PDLIM7: variants seen among roughly 807,000 people sequenced by gnomAD.
PDLIM7 encodes PDZ and LIM domain protein 7.
A neutral mutation model predicts 53.9 loss-of-function variants in PDLIM7; 37 were observed. That is an observed-to-expected ratio of 0.69 (90% CI 0.53 to 0.90). The LOEUF is 0.90. Ranked by LOEUF, PDLIM7 falls within the 40% of genes least tolerant of loss-of-function variation. The pLI is 0.00. For synonymous variants in PDLIM7, 300 were observed against 261.3 expected (o/e 1.15, Z -1.43); for missense variants, 617 against 638.5 (o/e 0.97, Z 0.36).
chr5:177,484,081 T>G lies in PDLIM7; in HGVS notation c.1160A>C (p.Tyr387Ser). 6.2e-7 allele frequency: 1 copy of G among 1,613,982 alleles called. No individual in the cohort carries two copies. Among genetic ancestry groups the G allele is most frequent in the Non-Finnish European group, 8.5e-7 (1 of 1,179,976 alleles). ...RAFYMEEGVPYCERDYEKMFG... is the reference protein window; with the variant it reads ...RAFYMEEGVPSCERDYEKMFG... ...TGGCCAGTGGGTACCTCGCTCGCAA[T>G]AGGGCACGCCCTCCTCCATGTAGAA... is the stretch of plus-strand genomic sequence containing the variant. The change falls in exon 11 of 13, where the codon TAT becomes TCT. Residue 387 changes from tyrosine to serine, a missense_variant. By Grantham distance (144) the Tyr-to-Ser change is moderately radical (BLOSUM62 -2). Transcript: ENST00000355841.
intron 2 of PDLIM7, among the ~76,000 whole-genome samples, chr5:177,494,225 C>T (rs1056169027): frequency 6.6e-6 from 1 of 152,226 alleles, no homozygotes; most frequent in Non-Finnish European, 1.5e-5. Flanking sequence ...AGTCACCCAG[C>T]TAGTAAGAGG....
At chr5:177,491,393 G>A (rs560294650) in intron 5 of PDLIM7, 1 of 1,552,142 alleles carries the variant, frequency 6.4e-7, no homozygotes, top group African/African-American at 1.4e-5. Flanking sequence ...GGCAGAGGGG[G>A]GCTCACTGAC....
rs114422207 is a variant in PDLIM7 at position 177,495,434 on chromosome 5, G to A, written c.96+983C>T. Among the ~76,000 whole-genome samples the A allele has an allele frequency of 9.4e-3, 1,430 of 152,274 alleles. 27 individuals carry two copies. Among genetic ancestry groups the A allele is most frequent in the African/African-American group, 0.033 (1,375 of 41,548 alleles). On this transcript the variant is annotated intron_variant, in intron 2 of 12. Coordinates refer to ENST00000355841, the MANE Select transcript of PDLIM7 (RefSeq NM_005451.5). ...CCTGGGTGGGTCTCTTGGGGCAGGC[G>A]GATATAGGGGCAGGAAGTCCCCACC...
Position 177,488,088 on chromosome 5 carries a change from A to G in PDLIM7, c.1030T>C (p.Cys344Arg). ...CTCACGCCTGTAATCTTCTTCTTGC[A>G]CTTGGCACAGCTGGGTGCATAGCGC... ...DVRYAPSCAK[C>R]KKKITGEIMH... is the part of the protein sequence containing the mutation. Residue 344 changes from cysteine to arginine, a missense_variant, in exon 10 of 13, where the codon TGC (cysteine) becomes CGC (arginine). Cys to Arg is a radical substitution (Grantham distance 180). Transcript: ENST00000355841. 1.2e-6 allele frequency: 2 copies of G among 1,603,676 alleles called. No homozygotes were observed. Among genetic ancestry groups the G allele is most frequent in the Non-Finnish European group, 1.7e-6 (2 of 1,174,736 alleles).
chr5:177,491,942 C>G lies in PDLIM7; in HGVS notation c.280-17G>C, dbSNP rs1248116837. On this transcript the variant is annotated splice_polypyrimidine_tract_variant and intron_variant, in intron 4 of 12. Transcript: ENST00000355841. ...GGCGGAGGCCTGGGCAGAGACACAG[C>G]CGGGCAGGGCGGGCGGGCAGGGTAA... 1.2e-5 allele frequency: 4 copies of G among 336,576 alleles called. No individual in the cohort carries two copies. Among genetic ancestry groups the G allele is most frequent in the Middle Eastern group, 1.1e-3 (1 of 898 alleles). 20.8% of individuals were successfully genotyped at this position (336,576 alleles called of 1,614,324 possible).
Position 177,491,243 on chromosome 5 carries a change from T to C in PDLIM7, c.399-97A>G, listed in dbSNP as rs558944965. On this transcript the variant is annotated intron_variant, in intron 5 of 12. Coordinates refer to ENST00000355841, the MANE Select transcript of PDLIM7 (RefSeq NM_005451.5). ...TGCATGTGGGTTTGGGTTACAGTGA[T>C]GGGAGGGAGTGGGTAAGGGTGAGGC... 59 of 1,443,732 alleles carry C rather than the reference T, an allele frequency of 4.1e-5. No individual in the cohort carries two copies. In the Admixed American group the frequency reaches 9.2e-4, roughly 23 times the overall value. The allele number at this position is 1,443,732 out of a possible 1,614,324, so 89.4% of individuals were successfully genotyped here. A position where few individuals can be genotyped will look rare whatever the true frequency, so the allele number is the denominator to read the frequency against.
At chr5:177,496,313 TGCTGGCCCCTGACCA>T in intron 2 of PDLIM7, 89 bp downstream of exon 2, 1 of 790,964 alleles carries the variant, frequency 1.3e-6, no homozygotes, top group Non-Finnish European at 1.9e-6. Flanking sequence ...TCTCCTGGCC[TGCTGGCCCCTGACCA>T]GCTCCTGTTA....
chr5:177,490,298 G>C (rs1198276359), intron 7 of PDLIM7: 1 of 1,443,670 alleles, frequency 6.9e-7, no homozygotes, highest in Non-Finnish European at 9.1e-7. Context: ...CTGGCAGACA[G>C]CAGTACCACA....
intron 9 of PDLIM7, among the ~76,000 whole-genome samples, chr5:177,489,058 G>A (rs1353971342): frequency 6.8e-6 from 1 of 147,206 alleles, no homozygotes; most frequent in African/African-American, 2.7e-5. Context: ...AGAGCAGAGG[G>A]AGACAGAGAG....
At chr5:177,492,849 G>A (rs1165779391) in intron 2 of PDLIM7, 172 bp from the exon 3 acceptor site, 1 of 638,296 alleles carries the variant, frequency 1.6e-6, no homozygotes, top group Non-Finnish European at 2.7e-6. Flanking sequence ...AGGAGGTGGT[G>A]GCGCTCACCT....
chr5:177,484,831 G>A (rs754650269), intron 10 of PDLIM7: 9 of 155,922 alleles, frequency 5.8e-5, no homozygotes, highest in Non-Finnish European at 8.5e-5. Context: ...TCTCCCTTGC[G>A]TTCTCACCTT....
chr5:177,491,837 G>A lies in PDLIM7; in HGVS notation c.368C>T (p.Pro123Leu), dbSNP rs112356155. The change falls in exon 5 of 13, where the codon CCG becomes CTG. Residue 123 changes from proline (P) to leucine (L), a missense_variant. Coordinates refer to ENST00000355841, the MANE Select transcript of PDLIM7 (RefSeq NM_005451.5). The stretch of plus-strand genomic sequence containing the variant: ...CTGCTGCGGGGCGCTGTCAGCGGGC[G>A]GGGGCGCCCCAAAGGGCCGGGCCGT... ...NKTARPFGAP[P>L]PADSAPQQNG... The A allele has an allele frequency of 8.6e-6, 11 of 1,286,328 alleles. No homozygotes were observed. Among genetic ancestry groups the A allele is most frequent in the African/African-American group, 4.6e-5 (3 of 64,626 alleles). The allele number at this position is 1,286,328 out of a possible 1,614,324, so 79.7% of individuals were successfully genotyped here. A position where few individuals can be genotyped will look rare whatever the true frequency, so the allele number is the denominator to read the frequency against.
In PDLIM7 at chr5:177,490,865, T is replaced by A; in HGVS notation, c.572+5A>T. On this transcript the variant is annotated splice_donor_5th_base_variant and intron_variant, in intron 7 of 12. Coordinates refer to ENST00000355841, the MANE Select transcript of PDLIM7 (RefSeq NM_005451.5). ...TGGGAGAGGGGCTGGTGCCCGTCCC[T>A]GTACCTTGATTTCTTCAGGTGCTCC... is the stretch of plus-strand genomic sequence containing the variant. The A allele has an allele frequency of 6.2e-7, 1 of 1,613,976 alleles. No homozygotes were observed. The highest frequency in any genetic ancestry group is 8.5e-7 in the Non-Finnish European group (1 of 1,179,932).
Position 177,483,933 on chromosome 5 carries a change from G to C in PDLIM7, c.1221C>G (p.Ile407Met), listed in dbSNP as rs1007014793. The C allele has an allele frequency of 2.5e-6, 4 of 1,613,912 alleles. No homozygotes were observed. The highest frequency in any genetic ancestry group is 3.4e-6 in the Non-Finnish European group (4 of 1,179,984). ...GTKCHGCDFK[I>M]DAGDRFLEAL... ...CCTCCAGGAAGCGGTCCCCAGCGTCGATCTTGAAGTCACAGCCATGGCATT... is the reference window on the plus strand; with the variant it reads ...CCTCCAGGAAGCGGTCCCCAGCGTCCATCTTGAAGTCACAGCCATGGCATT... Residue 407 changes from isoleucine to methionine, a missense_variant, in exon 12 of 13, where the codon ATC becomes ATG. Physicochemically the swap from Ile to Met is conservative, Grantham distance 10. Coordinates refer to ENST00000355841, the MANE Select transcript of PDLIM7 (RefSeq NM_005451.5).
At chr5:177,491,242 A>G in intron 5 of PDLIM7, 96 bp from the exon 6 acceptor site, 1 of 1,464,780 alleles carries the variant, frequency 6.8e-7, no homozygotes, top group East Asian at 2.4e-5. Flanking sequence ...GGTTACAGTG[A>G]TGGGAGGGAG....
At chr5:177,490,821 G>C in intron 7 of PDLIM7, 49 bp downstream of exon 7, 1 of 1,603,840 alleles carries the variant, frequency 6.2e-7, no homozygotes, top group Non-Finnish European at 8.5e-7. Flanking sequence ...GCAGTAGCTG[G>C]AATGGAAGAG....
intron 7 of PDLIM7, chr5:177,490,212 C>A: frequency 6.9e-7 from 1 of 1,447,448 alleles, no homozygotes; most frequent in Admixed American, 2.5e-5. Context: ...AAATGCAAAC[C>A]AGGTCCACAA....
In PDLIM7 at chr5:177,490,909, G is replaced by C. The variant is rs1348414969; in HGVS notation, c.536-3C>G. ...GTGCTCCTCATCCGGGTCTTGCACTGAGAGGGCAGAGGCAGGCATTGACCA... is the reference window on the plus strand; with the variant it reads ...GTGCTCCTCATCCGGGTCTTGCACTCAGAGGGCAGAGGCAGGCATTGACCA... On this transcript the variant is annotated splice_region_variant and splice_polypyrimidine_tract_variant and intron_variant, in intron 6 of 12. Coordinates refer to ENST00000355841, the MANE Select transcript of PDLIM7 (RefSeq NM_005451.5). The C allele has an allele frequency of 1.2e-6, 2 of 1,613,986 alleles. No individual in the cohort carries two copies. The highest frequency in any genetic ancestry group is 1.7e-6 in the Non-Finnish European group (2 of 1,179,992).
rs1484011976 is a variant in PDLIM7, at chr5:177,492,697, G to C, written c.97-20C>G. 4 of 1,596,214 alleles carry C rather than the reference G, an allele frequency of 2.5e-6. No individual in the cohort carries two copies. Among genetic ancestry groups the C allele is most frequent in the Non-Finnish European group, 3.4e-6 (4 of 1,175,710 alleles). On this transcript the variant is annotated intron_variant, in intron 2 of 12. Transcript: ENST00000355841. ...AGTGAGCTGTGGAGAGAGAAGCAAAGTGACCGAGGCCCTGGACCCTGCAGA... is the reference window on the plus strand; with the variant it reads ...AGTGAGCTGTGGAGAGAGAAGCAAACTGACCGAGGCCCTGGACCCTGCAGA...
Sources: gnomAD v4.1 joint callset for allele counts (sites outside exome capture counted in the v4.1 genomes callset) on GRCh38, gnomAD v4.1.1 for gene constraint, MANE v1.5 for transcripts, NCBI Gene and HGNC (gene_info 2026-07-23, HGNC 2026-07-21) for gene names.